Variants in FRMPD4 observed in about 807,000 individuals in gnomAD.
The protein encoded by FRMPD4 is FERM and PDZ domain-containing protein 4.
FRMPD4 carries 22 observed loss-of-function variants against 94.1 expected under a neutral mutation model. The ratio of observed to expected loss-of-function variants is 0.23; its 90% confidence interval spans 0.17 to 0.33. The LOEUF (loss-of-function observed/expected upper bound fraction) is 0.33. FRMPD4 is among the 10% of genes least tolerant of loss of function. FRMPD4 has a pLI of 1.00. For missense variants in FRMPD4, 1,111 were observed against 1,339.9 expected, an observed-to-expected ratio of 0.83 and a Z score of 2.67; for synonymous variants, 631 against 548.6, an observed-to-expected ratio of 1.15 and a Z score of -2.10.
chrX:11,906,757 A>G (rs188967843), intron 3 of FRMPD4, among the ~76,000 whole-genome samples: 193 of 110,961 alleles, frequency 1.7e-3, no homozygotes, highest in African/African-American at 4.4e-3. Context: ...GTTAATGTGT[A>G]TTTTTAAACT....
intron 3 of FRMPD4, among the ~76,000 whole-genome samples, chrX:11,895,860 T>C (rs773193569): frequency 2.7e-5 from 3 of 112,448 alleles, no homozygotes; most frequent in South Asian, 7.4e-4. Flanking sequence ...GGTTCTGACA[T>C]AGTTGTATAA....
At chrX:12,347,956 T>C (rs1362683933) in intron 1 of FRMPD4, among the ~76,000 whole-genome samples, 1 of 112,101 alleles carries the variant, frequency 8.9e-6, no homozygotes, top group Non-Finnish European at 1.9e-5. Flanking sequence ...CAATTTTCAT[T>C]TGAAGCAGTA....
At chrX:12,465,964 C>T (rs935299347) in intron 1 of FRMPD4, among the ~76,000 whole-genome samples, 6 of 94,308 alleles carry the variant, frequency 6.4e-5, no homozygotes, top group African/African-American at 2.0e-4. Flanking sequence ...ATCAATTTCC[C>T]TGACCTGTGT....
intron 1 of FRMPD4, among the ~76,000 whole-genome samples, chrX:12,240,008 T>TA (rs2057111351): frequency 8.9e-6 from 1 of 112,485 alleles, no homozygotes; most frequent in African/African-American, 3.2e-5. Flanking sequence ...AGTTCATACA[T>TA]AACACGTGGT....
intron 3 of FRMPD4, among the ~76,000 whole-genome samples, chrX:12,612,189 C>T (rs183217042): frequency 5.4e-5 from 6 of 111,463 alleles, no homozygotes; most frequent in African/African-American, 9.7e-5. Context: ...TGAGATTCTC[C>T]GAAGTATGTG....
chrX:12,274,652 G>A (rs1353310523), intron 1 of FRMPD4, among the ~76,000 whole-genome samples: 2 of 112,482 alleles, frequency 1.8e-5, no homozygotes, highest in East Asian at 2.8e-4. Flanking sequence ...ATGGAGCAAT[G>A]TACTCATTCC....
intron 3 of FRMPD4, among the ~76,000 whole-genome samples, chrX:12,088,532 T>G (rs937142885): frequency 2.7e-5 from 3 of 111,952 alleles, no homozygotes; most frequent in African/African-American, 9.7e-5. Context: ...TGAAGTCCTT[T>G]GCAGTTTTCA....
intron 3 of FRMPD4, among the ~76,000 whole-genome samples, chrX:12,016,549 C>T (rs777069625): frequency 9.0e-6 from 1 of 111,548 alleles, no homozygotes; most frequent in Admixed American, 9.5e-5. Context: ...ATTTAGTGTG[C>T]TTATTTGACC....
chrX:12,622,059 GA>G, intron 4 of FRMPD4, among the ~76,000 whole-genome samples: 1 of 52,816 alleles, frequency 1.9e-5, no homozygotes, highest in Admixed American at 2.1e-4. Flanking sequence ...AGGAAGGAAG[GA>G]AAGAAGGAAA....
intron 1 of FRMPD4, among the ~76,000 whole-genome samples, chrX:12,465,029 C>T (rs962791001): frequency 9.8e-5 from 11 of 112,031 alleles, no homozygotes; most frequent in African/African-American, 2.9e-4. Context: ...TATCCTCCAC[C>T]GCAGGTAATA....
intron 4 of FRMPD4, among the ~76,000 whole-genome samples, chrX:12,652,870 C>T (rs955503426): frequency 1.4e-4 from 16 of 112,035 alleles, no homozygotes; most frequent in Non-Finnish European, 1.9e-4. Flanking sequence ...TACACCGTCA[C>T]TTTCACGGTT....
chrX:12,314,235 C>T (rs2055078968), intron 1 of FRMPD4, among the ~76,000 whole-genome samples: 1 of 112,393 alleles, frequency 8.9e-6, no homozygotes, highest in African/African-American at 3.2e-5. Flanking sequence ...AGAGAGGAAA[C>T]AACTGAGTCA....
intron 4 of FRMPD4, among the ~76,000 whole-genome samples, chrX:12,662,567 T>A (rs1233341414): frequency 8.9e-6 from 1 of 112,519 alleles, no homozygotes; most frequent in Non-Finnish European, 1.9e-5. Flanking sequence ...TTCCTTGGTG[T>A]ATATGTGCCA....
chrX:12,206,261 T>C (rs1227415753), intron 1 of FRMPD4, among the ~76,000 whole-genome samples: 1 of 112,390 alleles, frequency 8.9e-6, no homozygotes, highest in Non-Finnish European at 1.9e-5. Context: ...TAGTATTGCA[T>C]AGGTATTTAA....
chrX:11,957,998 G>A (rs1601856716), intron 3 of FRMPD4, among the ~76,000 whole-genome samples: 2 of 111,785 alleles, frequency 1.8e-5, no homozygotes, highest in East Asian at 5.6e-4. Context: ...ATACCCTAAG[G>A]AAGTATCTTT....
chrX:12,417,674 C>T (rs1277327836), intron 1 of FRMPD4, among the ~76,000 whole-genome samples: 1 of 107,890 alleles, frequency 9.3e-6, no homozygotes, highest in Non-Finnish European at 1.9e-5. Context: ...TAATTCATTT[C>T]CTTTGTAATT....
At chrX:12,556,551 CTT>C (rs1409183168) in intron 2 of FRMPD4, among the ~76,000 whole-genome samples, 1 of 111,621 alleles carries the variant, frequency 9.0e-6, no homozygotes, top group Non-Finnish European at 1.9e-5. Context: ...TGGCCAAAAA[CTT>C]GATTTTAATT....
chrX:12,025,061 C>A (rs1163309881), intron 3 of FRMPD4, among the ~76,000 whole-genome samples: 1 of 110,313 alleles, frequency 9.1e-6, no homozygotes, highest in Non-Finnish European at 1.9e-5. Flanking sequence ...TTTTTTTTCT[C>A]TTGGCTCTAT....
At chrX:11,906,892 A>T (rs1467003877) in intron 3 of FRMPD4, among the ~76,000 whole-genome samples, 2 of 110,698 alleles carry the variant, frequency 1.8e-5, no homozygotes, top group African/African-American at 6.6e-5. Flanking sequence ...GTCTCTGCTA[A>T]ATTTTCTTAA....
Sources: allele counts gnomAD v4.1 joint callset (sites outside exome capture counted in the v4.1 genomes callset), GRCh38; gene constraint gnomAD v4.1.1; transcripts MANE v1.5; gene names NCBI Gene and HGNC (gene_info 2026-07-23, HGNC 2026-07-21).